WHAMM: variants seen among roughly 807,000 people sequenced by gnomAD.
WHAMM encodes WASP homolog associated with actin, golgi membranes and microtubules.
WHAMM carries 67 observed loss-of-function variants against 76.5 expected under a neutral mutation model. The ratio of observed to expected loss-of-function variants is 0.88; its 90% confidence interval spans 0.72 to 1.07. The LOEUF is 1.07. Among genes scored for constraint, WHAMM ranks in the 50% least tolerant of loss-of-function variants. The probability of loss-of-function intolerance (pLI) is 0.00; values close to 1 mark genes in which losing one functional copy is unlikely to be tolerated. For synonymous variants in WHAMM, 419 were observed against 422.1 expected, an observed-to-expected ratio of 0.99 and a Z score of 0.09; for missense variants, 1,021 against 1,051.1, an observed-to-expected ratio of 0.97 and a Z score of 0.40.
At position 82,809,711 on chromosome 15, in the gene WHAMM, G is replaced by A; in HGVS notation, c.-16G>A. The stretch of plus-strand genomic sequence containing the variant: ...CCCGCGCCCGCCGAGCCCTAGGGCC[G>A]CTGCTGCCGACAGCCATGGAGGACG... On this transcript the variant is annotated 5_prime_UTR_variant, in exon 1 of 10. Transcript: ENST00000286760. 2.1e-6 allele frequency: 3 copies of A among 1,402,344 alleles called. No homozygotes were observed. Among genetic ancestry groups the A allele is most frequent in the Non-Finnish European group, 2.8e-6 (3 of 1,069,110 alleles). 86.9% of individuals were successfully genotyped at this position (1,402,344 alleles called of 1,614,324 possible). A position where few individuals can be genotyped will look rare whatever the true frequency, so the allele number is the denominator to read the frequency against.
In WHAMM at chr15:82,818,104, A is replaced by T. The variant is rs1436775219; in HGVS notation, c.1104+15A>T. 12 of 1,528,972 alleles carry T rather than the reference A, an allele frequency of 7.8e-6. No homozygotes were observed. In the East Asian group the frequency reaches 2.9e-4, roughly 37 times the overall value. 94.7% of individuals were successfully genotyped at this position (1,528,972 alleles called of 1,614,324 possible). On this transcript the variant is annotated intron_variant, in intron 4 of 9. Transcript: ENST00000286760. ...TTCAGGGAAAGGTAAGACAAAGATA[A>T]ACATAACTTTGTTTTAAAAATACAC... is the stretch of plus-strand genomic sequence containing the variant.
chr15:82,835,931 A>G lies in WHAMM; in HGVS notation c.*2395A>G, dbSNP rs960355094. On this transcript the variant is annotated 3_prime_UTR_variant, in exon 10 of 10. Transcript: ENST00000286760. ...GGGACTTTTCTTATGCATATTTTGC[A>G]GTTTGGCATTGTTTGTAATTACGTA... The G allele has an allele frequency of 1.3e-5, 2 of 152,252 alleles. No individual in the cohort carries two copies. Among genetic ancestry groups the G allele is most frequent in the Non-Finnish European group, 2.9e-5 (2 of 68,038 alleles). 9.4% of individuals were successfully genotyped at this position (152,252 alleles called of 1,614,324 possible).
At chr15:82,826,626 G>A (rs921373133) in intron 7 of WHAMM, 125 bp from the exon 8 acceptor site, 1 of 1,574,330 alleles carries the variant, frequency 6.4e-7, no homozygotes. Flanking sequence ...TCTGCAGCCT[G>A]GGCGCAGCCT....
Position 82,810,245 on chromosome 15 carries a change from G to A in WHAMM, c.519G>A (p.Glu173=). The change falls in exon 1 of 10, where the codon GAG becomes GAA. Residue 173 remains glutamate (E), a synonymous_variant. Transcript: ENST00000286760. ...TGCGCGACGCACTCTTCCCGGCTGA[G>A]GGCGGCGCGGCCGACTGCGAAAGCC... ...ATVRDALFPA[E]GGAADCESPR... The A allele has an allele frequency of 7.2e-7, 1 of 1,396,832 alleles. No individual in the cohort carries two copies. Among genetic ancestry groups the A allele is most frequent in the African/African-American group, 1.5e-5 (1 of 66,208 alleles). 86.5% of individuals were successfully genotyped at this position (1,396,832 alleles called of 1,614,324 possible). A position where few individuals can be genotyped will look rare whatever the true frequency, so the allele number is the denominator to read the frequency against.
rs772176434 is a variant in WHAMM, at chr15:82,830,916, G to GCCC, written c.1962_1964dup (p.Pro658dup). 7 of 1,026,102 alleles carry GCCC rather than the reference G, an allele frequency of 6.8e-6. No individual in the cohort carries two copies. The highest frequency in any genetic ancestry group is 9.4e-6 in the Non-Finnish European group (7 of 741,974). 63.6% of individuals were successfully genotyped at this position (1,026,102 alleles called of 1,614,324 possible). ...CACCACCACCACCGCCGCCACCGCC[G>GCCC]CCCCCACCCCCTCCTCTCCGTGCTC... On this transcript the variant is annotated inframe_insertion, in exon 9 of 10. Transcript: ENST00000286760.
chr15:82,816,321 C>T (rs1221523824), intron 2 of WHAMM, among the ~76,000 whole-genome samples: 1 of 152,206 alleles, frequency 6.6e-6, no homozygotes, highest in East Asian at 1.9e-4. Flanking sequence ...ACAGCTAATA[C>T]TTAAGTGCTG....
At chr15:82,816,903 A>G in intron 3 of WHAMM, 61 bp downstream of exon 3, 7 of 1,458,628 alleles carry the variant, frequency 4.8e-6, no homozygotes, top group Non-Finnish European at 6.5e-6. Context: ...TTATTCAAAT[A>G]CCATTTGAGT....
In WHAMM at chr15:82,825,984, G is replaced by A. The variant is rs536314970; in HGVS notation, c.1459-426G>A. ...CGCATATTATATATTGGTACAGTGC[G>A]TGGTTAAGCACAGGTGAAACAGTTC... On this transcript the variant is annotated intron_variant, in intron 6 of 9. Transcript: ENST00000286760. Among the ~76,000 whole-genome samples, 6 of 152,310 alleles carry A rather than the reference G, an allele frequency of 3.9e-5. No homozygotes were observed. In the East Asian group the frequency reaches 9.6e-4, roughly 24 times the overall value.
At position 82,830,706 on chromosome 15, in the gene WHAMM, G is replaced by A. The variant is rs1007725365; in HGVS notation, c.1749G>A (p.Val583=). 5.0e-6 allele frequency: 8 copies of A among 1,613,886 alleles called. No homozygotes were observed. In the Admixed American group the frequency reaches 8.3e-5, roughly 17 times the overall value. The change falls in exon 9 of 10, where the codon GTG becomes GTA. Residue 583 remains valine, a synonymous_variant. Coordinates refer to ENST00000286760, the MANE Select transcript of WHAMM (RefSeq NM_001080435.3). ...QQMCLPASHA[V]SVIHPSSRKT... ...TGTGCTTGCCAGCTTCCCACGCGGT[G>A]TCAGTAATTCACCCGTCCTCTAGGA...
Position 82,830,932 on chromosome 15 carries a change from C to T in WHAMM, c.1975C>T (p.Leu659Phe), listed in dbSNP as rs1301339208. Residue 659 changes from leucine to phenylalanine, a missense_variant, in exon 9 of 10, where the codon CTC becomes TTC. Coordinates refer to ENST00000286760, the MANE Select transcript of WHAMM (RefSeq NM_001080435.3). ...PPPPPPPPPP[L>F]RALSSSSQAA... Reference sequence around the variant, plus strand: ...GCCACCGCCGCCCCCACCCCCTCCTCTCCGTGCTCTGTCCTCATCCTCTCA... The same window carrying T: ...GCCACCGCCGCCCCCACCCCCTCCTTTCCGTGCTCTGTCCTCATCCTCTCA... 6.2e-7 allele frequency: 1 copy of T among 1,605,716 alleles called. No individual in the cohort carries two copies. Among genetic ancestry groups the T allele is most frequent in the African/African-American group, 1.4e-5 (1 of 73,672 alleles).
intron 4 of WHAMM, among the ~76,000 whole-genome samples, chr15:82,818,941 A>G (rs2050773981): frequency 1.3e-5 from 2 of 152,222 alleles, no homozygotes; most frequent in African/African-American, 4.8e-5. Context: ...TTTCTCTTCT[A>G]ATAAAGGCAC....
At chr15:82,823,403 CT>C in intron 6 of WHAMM, 116 bp downstream of exon 6, 1 of 862,140 alleles carries the variant, frequency 1.2e-6, no homozygotes, top group Non-Finnish European at 1.6e-6. Flanking sequence ...ATTTTGTGTG[CT>C]TATGTACTTA....
In WHAMM at chr15:82,810,195, G is replaced by A. The variant is rs1158562725; in HGVS notation, c.469G>A (p.Ala157Thr). The A allele has an allele frequency of 1.5e-5, 21 of 1,406,162 alleles. No homozygotes were observed. The highest frequency in any genetic ancestry group is 2.6e-5 in the Admixed American group (1 of 38,342). The allele number at this position is 1,406,162 out of a possible 1,614,324, so 87.1% of individuals were successfully genotyped here. A position where few individuals can be genotyped will look rare whatever the true frequency, so the allele number is the denominator to read the frequency against. ...GCTGGAACGCTATCTGGGCGCGGCG[G>A]CCGACGGCTGCGGCGGCGCCACAGT... ...GQLERYLGAAADGCGGATVRD... is the reference protein window; with the variant it reads ...GQLERYLGAATDGCGGATVRD... Residue 157 changes from alanine to threonine, a missense_variant, in exon 1 of 10, where the codon GCC becomes ACC. This residue lies in a region of WHAMM where 501 missense variants were observed against 524.9 expected (regional missense o/e 0.95). Transcript: ENST00000286760.
chr15:82,816,490 CAG>C (rs2050728650), intron 2 of WHAMM, among the ~76,000 whole-genome samples, 200 bp from the exon 3 acceptor site: 1 of 152,060 alleles, frequency 6.6e-6, no homozygotes, highest in East Asian at 1.9e-4. Flanking sequence ...CTTTATGCCC[CAG>C]AGTGTCCTTT....
At chr15:82,817,724 T>C (rs971520822) in intron 3 of WHAMM, among the ~76,000 whole-genome samples, 196 bp from the exon 4 acceptor site, 4 of 152,210 alleles carry the variant, frequency 2.6e-5, no homozygotes, top group African/African-American at 9.6e-5. Flanking sequence ...ACTTACTGTC[T>C]TTTTAAAAAT....
intron 6 of WHAMM, among the ~76,000 whole-genome samples, chr15:82,825,256 G>GCT (rs1264311772): frequency 6.6e-6 from 1 of 152,138 alleles, no homozygotes; most frequent in Non-Finnish European, 1.5e-5. Context: ...TTTGCCCTTT[G>GCT]CTCCACATTT....
At chr15:82,812,609 A>G (rs879601594) in intron 1 of WHAMM, among the ~76,000 whole-genome samples, 1 of 152,226 alleles carries the variant, frequency 6.6e-6, no homozygotes, top group African/African-American at 2.4e-5. Context: ...CACAACCTCA[A>G]ACCTTCTTTT....
chr15:82,817,302 C>T (rs1052327997), intron 3 of WHAMM, among the ~76,000 whole-genome samples: 2 of 152,184 alleles, frequency 1.3e-5, no homozygotes, highest in African/African-American at 2.4e-5. Flanking sequence ...GGGGCTGGAT[C>T]GCAGAGAGTG....
In WHAMM at chr15:82,810,569, C is replaced by G. The variant is rs576633599; in HGVS notation, c.609+234C>G. ...GCGAAGTTAGAGCCTAGTGTACTTG[C>G]AGCTGGGAGCTGGGCTAGGCCCCCA... is the stretch of plus-strand genomic sequence containing the variant. On this transcript the variant is annotated intron_variant, in intron 1 of 9. Transcript: ENST00000286760. The G allele has an allele frequency of 1.1e-5, 11 of 985,460 alleles. No individual in the cohort carries two copies. In the African/African-American group the frequency reaches 1.9e-4, roughly 17 times the overall value. The allele number at this position is 985,460 out of a possible 1,614,324, so 61.0% of individuals were successfully genotyped here. A position where few individuals can be genotyped will look rare whatever the true frequency, so the allele number is the denominator to read the frequency against.
Sources: allele counts gnomAD v4.1 joint callset (sites outside exome capture counted in the v4.1 genomes callset), GRCh38; gene constraint gnomAD v4.1.1; regional missense constraint gnomAD v4.1.1; transcripts MANE v1.5; gene names NCBI Gene and HGNC (gene_info 2026-07-23, HGNC 2026-07-21).